ATG16L1: variants seen among roughly 807,000 people sequenced by gnomAD.
ATG16L1 encodes the protein autophagy related 16 like 1.
A neutral mutation model predicts 88.5 loss-of-function variants in ATG16L1; 37 were observed. The ratio of observed to expected loss-of-function variants is 0.42; its 90% CI spans 0.32 to 0.55. The LOEUF is 0.55. Among genes scored for constraint, ATG16L1 ranks in the 20% least tolerant of loss-of-function variants. The pLI is 0.13. For synonymous variants in ATG16L1, 301 were observed against 281.0 expected (o/e 1.07, Z -0.71); for missense variants, 554 against 752.8 (o/e 0.74, Z 3.09).
At chr2:233,293,929 C>G (rs1452937573) in intron 17 of ATG16L1, among the ~76,000 whole-genome samples, 2 of 152,228 alleles carry the variant, frequency 1.3e-5, no homozygotes, top group Admixed American at 6.5e-5. Context: ...GTGCTGACCA[C>G]CACTGCCCGG....
chr2:233,252,021 G>A (rs1416593122), intron 1 of ATG16L1, 79 bp downstream of exon 1: 19 of 1,299,114 alleles, frequency 1.5e-5, no homozygotes. Flanking sequence ...GGAACCTGAG[G>A]CCGAGTCCCT....
chr2:233,293,250 C>G lies in ATG16L1; in HGVS notation c.1629-6C>G, dbSNP rs766861693. ...ACAACCTTTCTTTTCTTACTGTCTT[C>G]TGTAGCCCTGATGGCAGTTACGTGG... On this transcript the variant is annotated splice_polypyrimidine_tract_variant and splice_region_variant and intron_variant, in intron 16 of 17. Transcript: ENST00000392017. 6.8e-6 allele frequency: 11 copies of G among 1,613,338 alleles called. No individual in the cohort carries two copies. The highest frequency in any genetic ancestry group is 1.7e-5 in the Admixed American group (1 of 60,004).
intron 2 of ATG16L1, among the ~76,000 whole-genome samples, chr2:233,259,711 G>T (rs78528693): frequency 0.016 from 2,361 of 152,066 alleles, 78 homozygotes; most frequent in East Asian, 0.091. Context: ...TCACAGTATC[G>T]TTGTTTTCCA....
intron 2 of ATG16L1, among the ~76,000 whole-genome samples, chr2:233,262,749 C>CA (rs1697305315): frequency 6.6e-6 from 1 of 152,226 alleles, no homozygotes; most frequent in African/African-American, 2.4e-5. Flanking sequence ...GCTGACCTCA[C>CA]ACGTGCTCTC....
intron 17 of ATG16L1, among the ~76,000 whole-genome samples, chr2:233,293,701 C>T (rs902415862): frequency 2.6e-5 from 4 of 152,232 alleles, no homozygotes; most frequent in African/African-American, 7.2e-5. Flanking sequence ...TTGGAAGTCC[C>T]TGTTGTCAGT....
chr2:233,282,382 T>C (rs1223085831), intron 11 of ATG16L1, among the ~76,000 whole-genome samples: 1 of 152,134 alleles, frequency 6.6e-6, no homozygotes, highest in Non-Finnish European at 1.5e-5. Context: ...GACTTGTTAA[T>C]ATTTGCTGCT....
At chr2:233,290,072 G>C (rs1699361304) in intron 13 of ATG16L1, 98 bp downstream of exon 13, 1 of 1,571,662 alleles carries the variant, frequency 6.4e-7, no homozygotes, top group African/African-American at 1.4e-5. Flanking sequence ...AATATAGTTT[G>C]AATTTCAGAT....
intron 12 of ATG16L1, among the ~76,000 whole-genome samples, chr2:233,289,408 T>TGTGTGTGTGTGTGTGA (rs144316394): frequency 1.1e-3 from 161 of 149,648 alleles, no homozygotes; most frequent in Non-Finnish European, 1.6e-3. Context: ...TGTGTGTGTG[T>TGTGTGTGTGTGTGTGA]GACAGGATCT....
At chr2:233,286,409 AGT>A (rs1361958151) in intron 12 of ATG16L1, among the ~76,000 whole-genome samples, 2 of 152,158 alleles carry the variant, frequency 1.3e-5, no homozygotes, top group African/African-American at 4.8e-5. Flanking sequence ...GAAACCTAAA[AGT>A]GTTGTTAATC....
At chr2:233,270,322 C>T (rs9973722) in intron 6 of ATG16L1, among the ~76,000 whole-genome samples, 2,250 of 152,134 alleles carry the variant, frequency 0.015, 56 homozygotes, top group African/African-American at 0.051. Flanking sequence ...AACTAACATC[C>T]ATATATCATT....
intron 14 of ATG16L1, among the ~76,000 whole-genome samples, chr2:233,290,585 GA>G (rs150827370): frequency 0.057 from 8,740 of 152,224 alleles, 304 homozygotes; most frequent in South Asian, 0.14. Context: ...TGGCAGGTAA[GA>G]AAAGGCAAAC....
intron 5 of ATG16L1, among the ~76,000 whole-genome samples, chr2:233,267,986 C>T (rs951458960): frequency 3.3e-5 from 5 of 152,198 alleles, no homozygotes; most frequent in East Asian, 1.9e-4. Context: ...AGCCTTCCTG[C>T]GTCATTACCC....
intron 2 of ATG16L1, among the ~76,000 whole-genome samples, chr2:233,256,750 A>G (rs1171124921): frequency 6.7e-6 from 1 of 149,994 alleles, no homozygotes; most frequent in Non-Finnish European, 1.5e-5. Context: ...GCCGGAGTAC[A>G]GTGGCACGAT....
intron 6 of ATG16L1, among the ~76,000 whole-genome samples, chr2:233,271,195 G>A (rs1697965712): frequency 6.6e-6 from 1 of 152,226 alleles, no homozygotes; most frequent in African/African-American, 2.4e-5. Flanking sequence ...ATTTAGACAG[G>A]TTGAGCATCC....
chr2:233,261,738 G>C (rs544503588), intron 2 of ATG16L1, among the ~76,000 whole-genome samples: 6 of 152,286 alleles, frequency 3.9e-5, no homozygotes, highest in African/African-American at 1.4e-4. Context: ...AGTGGTTTCA[G>C]CTGCTCACTA....
intron 2 of ATG16L1, among the ~76,000 whole-genome samples, 179 bp from the exon 3 acceptor site, chr2:233,262,951 C>T (rs1697320039): frequency 6.6e-6 from 1 of 152,146 alleles, no homozygotes. Context: ...TTCATGTCTC[C>T]TCCTTTCCAC....
intron 1 of ATG16L1, among the ~76,000 whole-genome samples, chr2:233,253,333 T>TTTG (rs1559372126): frequency 1.3e-5 from 1 of 77,588 alleles, no homozygotes; most frequent in Non-Finnish European, 3.2e-5. Context: ...TGAGACTGGG[T>TTTG]TTTTTTGTTT....
intron 2 of ATG16L1, among the ~76,000 whole-genome samples, chr2:233,257,205 A>G (rs547724276): frequency 2.0e-5 from 3 of 151,814 alleles, no homozygotes; most frequent in Admixed American, 2.0e-4. Context: ...AATTTTTTGT[A>G]TTTCTGGTAG....
At chr2:233,269,978 C>CTTTT in intron 5 of ATG16L1, 24 bp from the exon 6 acceptor site, 2 of 1,471,776 alleles carry the variant, frequency 1.4e-6, no homozygotes, top group Non-Finnish European at 1.8e-6. Flanking sequence ...AAATGGTGGG[C>CTTTT]TTTTTTTTTT....
Sources: allele counts gnomAD v4.1 joint callset (sites outside exome capture counted in the v4.1 genomes callset), GRCh38; gene constraint gnomAD v4.1.1; transcripts MANE v1.5; gene names NCBI Gene and HGNC (gene_info 2026-07-23, HGNC 2026-07-21).